Variants in SCHIP1 observed in about 807,000 individuals in gnomAD.
SCHIP1 encodes schwannomin-interacting protein 1.
A neutral mutation model predicts 29.7 loss-of-function variants in SCHIP1; 8 were observed. The observed-to-expected ratio is 0.27, with a 90% CI of 0.16 to 0.49. SCHIP1 has a LOEUF of 0.49. SCHIP1 is among the 20% of genes least tolerant of loss of function. The pLI is 0.99. For missense variants in SCHIP1, 193 were observed against 294.6 expected (o/e 0.66, Z 2.52); for synonymous variants, 76 against 94.9 (o/e 0.80, Z 1.16).
the SCHIP1 span, among the ~76,000 whole-genome samples, chr3:159,288,016 AAG>A: frequency 1.3e-5 from 2 of 152,200 alleles, no homozygotes; most frequent in African/African-American, 4.8e-5. Flanking sequence ...AAAGATGAGA[AAG>A]AGAAGAAGAA....
chr3:159,713,239 A>T, the SCHIP1 span, among the ~76,000 whole-genome samples: 1 of 87,724 alleles, frequency 1.1e-5, no homozygotes, highest in Admixed American at 9.8e-5. Flanking sequence ...AAAGGAAGAA[A>T]GAAAGAAAGA....
chr3:159,723,642 C>A, the SCHIP1 span, among the ~76,000 whole-genome samples: 1 of 152,048 alleles, frequency 6.6e-6, no homozygotes, highest in Non-Finnish European at 1.5e-5. Flanking sequence ...TGTGAAGAAC[C>A]CAGCCCTAAC....
At chr3:159,677,433 T>C in the SCHIP1 span, among the ~76,000 whole-genome samples, 6 of 151,816 alleles carry the variant, frequency 4.0e-5, no homozygotes, top group Non-Finnish European at 7.4e-5. Context: ...GAGAAGGGAG[T>C]TGGACTGCAG....
the SCHIP1 span, among the ~76,000 whole-genome samples, chr3:159,590,633 C>G: frequency 1.3e-5 from 2 of 152,044 alleles, no homozygotes; most frequent in Non-Finnish European, 2.9e-5. Context: ...AACTCCATCT[C>G]TATGCATGGT....
At chr3:159,456,920 A>C in the SCHIP1 span, among the ~76,000 whole-genome samples, 1 of 152,166 alleles carries the variant, frequency 6.6e-6, no homozygotes, top group African/African-American at 2.4e-5. Context: ...CAATATCAGG[A>C]AGGGTTGTTA....
At chr3:159,831,964 G>A in the SCHIP1 span, among the ~76,000 whole-genome samples, 1 of 152,102 alleles carries the variant, frequency 6.6e-6, no homozygotes, top group Admixed American at 6.5e-5. Flanking sequence ...TGTCTTATAA[G>A]CTACTACATA....
chr3:159,376,868 G>A, the SCHIP1 span, among the ~76,000 whole-genome samples: 3,233 of 152,216 alleles, frequency 0.021, 107 homozygotes, highest in African/African-American at 0.074. Flanking sequence ...AGAAAAGCAC[G>A]CTTTATAAGA....
chr3:159,300,112 G>GTTTTTTTTTT, the SCHIP1 span, among the ~76,000 whole-genome samples: 2 of 47,636 alleles, frequency 4.2e-5, no homozygotes, highest in Admixed American at 2.1e-4. Flanking sequence ...AGGGAAAGCT[G>GTTTTTTTTTT]CTTTTTTTTT....
chr3:159,890,942 C>T (rs1717457184), intron 5 of SCHIP1, among the ~76,000 whole-genome samples: 1 of 152,208 alleles, frequency 6.6e-6, no homozygotes, highest in Admixed American at 6.5e-5. Flanking sequence ...AATGGGTACT[C>T]TCTTCCATGT....
the SCHIP1 span, among the ~76,000 whole-genome samples, chr3:159,393,705 TG>T: frequency 6.6e-6 from 1 of 151,102 alleles, no homozygotes; most frequent in Non-Finnish European, 1.5e-5. Flanking sequence ...CATGCTGTTT[TG>T]GTTACTGTAG....
At chr3:159,474,129 A>G in the SCHIP1 span, among the ~76,000 whole-genome samples, 1 of 152,260 alleles carries the variant, frequency 6.6e-6, no homozygotes, top group South Asian at 2.1e-4. Context: ...ATTATTCTCC[A>G]CTATCTGTTT....
At chr3:159,611,308 C>T in the SCHIP1 span, among the ~76,000 whole-genome samples, 2 of 152,020 alleles carry the variant, frequency 1.3e-5, no homozygotes, top group African/African-American at 4.8e-5. Flanking sequence ...ACTCATGGTG[C>T]AGCTGATTAA....
chr3:159,601,631 A>C, the SCHIP1 span, among the ~76,000 whole-genome samples: 1 of 152,220 alleles, frequency 6.6e-6, no homozygotes, highest in Non-Finnish European at 1.5e-5. Flanking sequence ...GGAGCACCAG[A>C]GTTTGTGCTG....
the SCHIP1 span, among the ~76,000 whole-genome samples, chr3:159,709,526 G>T: frequency 3.9e-5 from 6 of 152,186 alleles, no homozygotes; most frequent in African/African-American, 1.4e-4. Context: ...ATAATTATTT[G>T]CTTCCCAAAA....
chr3:159,345,692 T>C, the SCHIP1 span, among the ~76,000 whole-genome samples: 36,304 of 151,872 alleles, frequency 0.24, 4,689 homozygotes, highest in African/African-American at 0.33. Flanking sequence ...CCCTCACCTA[T>C]TTTATTCTCC....
chr3:159,542,977 A>C, the SCHIP1 span, among the ~76,000 whole-genome samples: 1 of 151,992 alleles, frequency 6.6e-6, no homozygotes, highest in African/African-American at 2.4e-5. Context: ...TTAAAGGATT[A>C]CTATTCCAAG....
the SCHIP1 span, among the ~76,000 whole-genome samples, chr3:159,371,280 A>G: frequency 1.3e-5 from 2 of 152,140 alleles, no homozygotes; most frequent in African/African-American, 4.8e-5. Context: ...TGGAATCCTA[A>G]CCCTAGGGGA....
At chr3:159,685,890 A>G in the SCHIP1 span, among the ~76,000 whole-genome samples, 2 of 152,246 alleles carry the variant, frequency 1.3e-5, no homozygotes, top group Non-Finnish European at 2.9e-5. Flanking sequence ...ATGCCAAAAC[A>G]TAAGTAAGGC....
chr3:159,846,414 A>C (rs905950720), intron 1 of SCHIP1, among the ~76,000 whole-genome samples: 2 of 152,180 alleles, frequency 1.3e-5, no homozygotes, highest in African/African-American at 4.8e-5. Context: ...TTATGCCCAG[A>C]TTCTAGTGGG....
Sources: gnomAD v4.1 joint callset for allele counts (sites outside exome capture counted in the v4.1 genomes callset) on GRCh38, gnomAD v4.1.1 for gene constraint, MANE v1.5 for transcripts, NCBI Gene and HGNC (gene_info 2026-07-23, HGNC 2026-07-21) for gene names.